KCNH1: variants seen among roughly 807,000 people sequenced by gnomAD.
KCNH1 encodes voltage-gated delayed rectifier potassium channel KCNH1.
A neutral mutation model predicts 69.2 loss-of-function variants in KCNH1; 27 were observed. The ratio of observed to expected loss-of-function variants is 0.39; its 90% CI spans 0.29 to 0.54. The LOEUF (loss-of-function observed/expected upper bound fraction) is 0.54. KCNH1 is among the 20% of genes least tolerant of loss of function. The pLI is 0.68. For missense variants in KCNH1, 798 were observed against 1,261.6 expected (o/e 0.63, Z 5.57); for synonymous variants, 456 against 487.7 (o/e 0.93, Z 0.86).
chr1:210,861,457 T>C, intron 7 of KCNH1: 2 of 776,094 alleles, frequency 2.6e-6, no homozygotes, highest in Admixed American at 1.7e-5. Flanking sequence ...AGCTTCCATA[T>C]CTTTCAAAAA....
At position 210,856,898 on chromosome 1, in the gene KCNH1, T is replaced by TATATATAA. The variant is rs1410330503; in HGVS notation, c.1463-52733_1463-52732insTTATATAT. Among the ~76,000 whole-genome samples the TATATATAA allele has an allele frequency of 3.0e-4, 37 of 121,568 alleles. 1 individual carries two copies. The highest frequency in any genetic ancestry group is 1.1e-3 in the East Asian group (3 of 2,826). 79.8% of individuals were successfully genotyped at this position (121,568 alleles called of 152,430 possible). A position where few individuals can be genotyped will look rare whatever the true frequency, so the allele number is the denominator to read the frequency against. On this transcript the variant is annotated intron_variant, in intron 7 of 10. Transcript: ENST00000271751. ...CCCACTATATATATATATATATATATAAAATACTCATGCCTGGTGTTTACT... is the reference window on the plus strand; with the variant it reads ...CCCACTATATATATATATATATATATATATATAAAAAATACTCATGCCTGGTGTTTACT...
intron 10 of KCNH1, among the ~76,000 whole-genome samples, chr1:210,759,503 G>A (rs1214926181): frequency 6.6e-6 from 1 of 152,020 alleles, no homozygotes; most frequent in East Asian, 1.9e-4. Context: ...AAAAATTCAC[G>A]GCAGGAATTT....
chr1:211,082,824 C>A lies in KCNH1; in HGVS notation c.514G>T (p.Val172Leu). Residue 172 changes from valine to leucine, a missense_variant, in exon 5 of 11, where the codon GTG becomes TTG. Val to Leu is a conservative substitution (Grantham distance 32). This residue lies in a region of KCNH1 where 266 missense variants were observed against 457.2 expected (regional missense o/e 0.58). Coordinates refer to ENST00000271751, the MANE Select transcript of KCNH1 (RefSeq NM_172362.3). Reference sequence around the variant, plus strand: ...TTGTGGACATTCTCGCCTTTTTGCACGCTTGGAGCCAGCTGCTGCAGGACA... The same window carrying A: ...TTGTGGACATTCTCGCCTTTTTGCAAGCTTGGAGCCAGCTGCTGCAGGACA... The part of the protein sequence containing the change: ...RGVLQQLAPS[V>L]QKGENVHKHS... 6 of 1,614,138 alleles carry A rather than the reference C, an allele frequency of 3.7e-6. No individual in the cohort carries two copies. Among genetic ancestry groups the A allele is most frequent in the Non-Finnish European group, 5.1e-6 (6 of 1,180,010 alleles).
In KCNH1 at chr1:211,133,514, A is replaced by C. The variant is rs1237845324; in HGVS notation, c.79+353T>G. 1.2e-5 allele frequency: 2 copies of C among 167,008 alleles called. No homozygotes were observed. The highest frequency in any genetic ancestry group is 2.6e-5 in the Non-Finnish European group (2 of 77,900). 10.3% of individuals were successfully genotyped at this position (167,008 alleles called of 1,614,324 possible). ...CCAGAGCCTTCGCGGAAGGGTGGGC[A>C]GTGCCGATGGGGCGCGCGCTGCCGC... On this transcript the variant is annotated intron_variant, in intron 1 of 10. Coordinates refer to ENST00000271751, the MANE Select transcript of KCNH1 (RefSeq NM_172362.3). The surrounding 1 kb of genome is among the most constrained non-coding windows in gnomAD (Gnocchi z 5.4).
At chr1:211,114,512 G>A (rs1031745729) in intron 1 of KCNH1, among the ~76,000 whole-genome samples, 5 of 152,174 alleles carry the variant, frequency 3.3e-5, no homozygotes, top group East Asian at 1.9e-4. Flanking sequence ...CTAGAAGTAC[G>A]TCTGCCATAA....
intron 5 of KCNH1, among the ~76,000 whole-genome samples, chr1:211,046,687 C>T (rs898062920): frequency 1.4e-4 from 21 of 152,190 alleles, no homozygotes; most frequent in Non-Finnish European, 2.5e-4. Flanking sequence ...CCCCTCTGCT[C>T]TCATGCCAGG....
chr1:211,118,553 A>C (rs1691628103), intron 1 of KCNH1, among the ~76,000 whole-genome samples: 1 of 152,174 alleles, frequency 6.6e-6, no homozygotes, highest in Non-Finnish European at 1.5e-5. Flanking sequence ...AGGTTTCCTA[A>C]ATTCAGCCTT....
chr1:211,113,965 C>CTCTCTA (rs1553381061), intron 1 of KCNH1, among the ~76,000 whole-genome samples: 2 of 133,112 alleles, frequency 1.5e-5, no homozygotes, highest in African/African-American at 5.2e-5. Flanking sequence ...CTCTCTCTCT[C>CTCTCTA]TCTCTCTCTC....
chr1:210,871,653 A>T (rs1686250757), intron 7 of KCNH1, among the ~76,000 whole-genome samples: 1 of 152,164 alleles, frequency 6.6e-6, no homozygotes, highest in Non-Finnish European at 1.5e-5. Context: ...GAACCAATCC[A>T]AATGTCCAAC....
intron 1 of KCNH1, among the ~76,000 whole-genome samples, chr1:211,113,974 T>TCACACA (rs371049407): frequency 3.5e-5 from 5 of 142,378 alleles, no homozygotes; most frequent in Admixed American, 6.9e-5. Flanking sequence ...TCTCTCTCTC[T>TCACACA]CACACACACA....
chr1:210,728,393 A>G (rs1682660885), intron 10 of KCNH1, among the ~76,000 whole-genome samples: 1 of 152,236 alleles, frequency 6.6e-6, no homozygotes, highest in African/African-American at 2.4e-5. Flanking sequence ...ATGAGAGACC[A>G]CACAGTAGGA....
At chr1:210,882,991 G>T (rs535821312) in intron 7 of KCNH1, among the ~76,000 whole-genome samples, 12 of 152,296 alleles carry the variant, frequency 7.9e-5, no homozygotes, top group Admixed American at 6.5e-4. Context: ...CATTACGGAA[G>T]AATGAGTAAT....
In KCNH1 at chr1:211,064,332, G is replaced by A. The variant is rs533467652; in HGVS notation, c.558+18448C>T. On this transcript the variant is annotated intron_variant, in intron 5 of 10. Coordinates refer to ENST00000271751, the MANE Select transcript of KCNH1 (RefSeq NM_172362.3). ...TCCCAACACTTTGGGAGGCCAAGGC[G>A]GGTGGATCACGAGGTCAGGAGATCG... Among the ~76,000 whole-genome samples the A allele has an allele frequency of 4.3e-3, 661 of 152,288 alleles. 5 individuals are homozygous for A. Among genetic ancestry groups the A allele is most frequent in the Non-Finnish European group, 4.0e-3 (274 of 68,030 alleles).
At chr1:210,961,859 AG>A (rs1161393128) in intron 6 of KCNH1, among the ~76,000 whole-genome samples, 1 of 148,268 alleles carries the variant, frequency 6.7e-6, no homozygotes, top group Admixed American at 6.7e-5. Context: ...AAAAAAAAAA[AG>A]AATACAGTTA....
intron 3 of KCNH1, among the ~76,000 whole-genome samples, chr1:211,098,646 G>C (rs1444269105): frequency 6.6e-6 from 1 of 152,012 alleles, no homozygotes; most frequent in African/African-American, 2.4e-5. Flanking sequence ...CTAAAACAAT[G>C]TATTAAAAGC....
chr1:211,115,701 C>CTATATATATATATATATATATATATATA (rs201384583), intron 1 of KCNH1, among the ~76,000 whole-genome samples: 12 of 70,766 alleles, frequency 1.7e-4, no homozygotes, highest in Admixed American at 2.8e-4. Flanking sequence ...ATAAACTCCC[C>CTATATATATATATATATATATATATATA]TATATATATA....
At chr1:210,864,483 G>A (rs544678875) in intron 7 of KCNH1, among the ~76,000 whole-genome samples, 5 of 152,294 alleles carry the variant, frequency 3.3e-5, no homozygotes, top group African/African-American at 1.2e-4. Context: ...AGCTTCCTGT[G>A]CTGTGAGGAC....
chr1:210,931,653 C>T (rs1315346755), intron 6 of KCNH1, among the ~76,000 whole-genome samples: 1 of 151,602 alleles, frequency 6.6e-6, no homozygotes, highest in Non-Finnish European at 1.5e-5. Flanking sequence ...TCCCCAGAAA[C>T]CTAATAAAAT....
intron 10 of KCNH1, among the ~76,000 whole-genome samples, chr1:210,726,961 C>T (rs563602086): frequency 6.6e-6 from 1 of 152,274 alleles, no homozygotes; most frequent in Non-Finnish European, 1.5e-5. Flanking sequence ...CCAGAATGAG[C>T]TCAGGGAGGT....
Sources: gnomAD v4.1 joint callset for allele counts (sites outside exome capture counted in the v4.1 genomes callset) on GRCh38, gnomAD v4.1.1 for gene constraint, gnomAD v4.1.1 regional missense constraint, Gnocchi (gnomAD v3.1) non-coding constraint, MANE v1.5 for transcripts, NCBI Gene and HGNC (gene_info 2026-07-23, HGNC 2026-07-21) for gene names.